MTMR10: variants seen among roughly 807,000 people sequenced by gnomAD.
MTMR10 encodes myotubularin-related protein 10.
A neutral mutation model predicts 88.1 loss-of-function variants in MTMR10; 56 were observed. The ratio of observed to expected loss-of-function variants is 0.64; its 90% confidence interval spans 0.51 to 0.79. The LOEUF is 0.79. Ranked by LOEUF, MTMR10 falls within the 30% of genes least tolerant of loss-of-function variation. MTMR10 has a pLI of 0.00. For missense variants in MTMR10, 883 were observed against 924.7 expected (o/e 0.95, Z 0.58); for synonymous variants, 380 against 340.9 (o/e 1.11, Z -1.26).
At chr15:30,985,622 T>C (rs549321864) in intron 2 of MTMR10, among the ~76,000 whole-genome samples, 1 of 152,226 alleles carries the variant, frequency 6.6e-6, no homozygotes, top group Non-Finnish European at 1.5e-5. Flanking sequence ...AAGACTGTTA[T>C]GATGATTAAT....
the MTMR10 span, chr15:30,930,459 T>C: frequency 6.7e-7 from 1 of 1,491,938 alleles, no homozygotes; most frequent in Non-Finnish European, 8.9e-7. Flanking sequence ...TACACTGAGC[T>C]TTTCTCCGTC....
chr15:30,975,869 A>G (rs1258137993), intron 3 of MTMR10, among the ~76,000 whole-genome samples: 1 of 152,192 alleles, frequency 6.6e-6, no homozygotes, highest in Admixed American at 6.5e-5. Flanking sequence ...ATCTAGGGGT[A>G]AGTGTGTATA....
chr15:30,954,400 C>T (rs2063292434), intron 10 of MTMR10, among the ~76,000 whole-genome samples: 2 of 152,136 alleles, frequency 1.3e-5, no homozygotes, highest in Non-Finnish European at 2.9e-5. Flanking sequence ...CTGTTTGATA[C>T]CCATGTCAAG....
intron 1 of MTMR10, 129 bp from the exon 2 acceptor site, chr15:30,990,966 C>A (rs2141082411): frequency 1.3e-6 from 1 of 750,068 alleles, no homozygotes; most frequent in Non-Finnish European, 2.1e-6. Flanking sequence ...AATTCTTTCG[C>A]ATATTAACTG....
intron 2 of MTMR10, among the ~76,000 whole-genome samples, chr15:30,979,156 G>A (rs890605495): frequency 6.6e-6 from 1 of 152,158 alleles, no homozygotes; most frequent in African/African-American, 2.4e-5. Flanking sequence ...ATCACATACT[G>A]TGCCACCTTA....
At position 30,941,499 on chromosome 15, in the gene MTMR10, A is replaced by C; in HGVS notation, c.2305T>G (p.Ser769Ala). ...KFLSGAKIWL[S>A]TETLANED Reference sequence around the variant, plus strand: ...TCTTCATTTGCTAATGTCTCAGTAGACAACCATATTTTGGCCCCACTTAAA... The same window carrying C: ...TCTTCATTTGCTAATGTCTCAGTAGCCAACCATATTTTGGCCCCACTTAAA... The change falls in exon 16 of 16, where the codon TCT (serine) becomes GCT (alanine). Residue 769 changes from serine (S) to alanine (A), a missense_variant. Coordinates refer to ENST00000435680, the MANE Select transcript of MTMR10 (RefSeq NM_017762.3). 6.2e-7 allele frequency: 1 copy of C among 1,611,506 alleles called. No homozygotes were observed. The highest frequency in any genetic ancestry group is 8.5e-7 in the Non-Finnish European group (1 of 1,178,568).
intron 15 of MTMR10, 133 bp from the exon 16 acceptor site, chr15:30,942,205 CCTTT>C (rs762913498): frequency 4.7e-5 from 51 of 1,085,352 alleles, no homozygotes; most frequent in African/African-American, 2.5e-4. Flanking sequence ...TTCCTCCCTT[CCTTT>C]GTGTCCTTAT....
intron 4 of MTMR10, 111 bp from the exon 5 acceptor site, chr15:30,974,567 C>T (rs1233870397): frequency 5.8e-6 from 6 of 1,030,452 alleles, no homozygotes; most frequent in Non-Finnish European, 1.3e-6. Flanking sequence ...AACATTTGAG[C>T]TCTGCTTGTC....
Position 30,975,004 on chromosome 15 carries a change from C to A in MTMR10, c.259-1G>T. On this transcript the variant is annotated splice_acceptor_variant, in intron 3 of 15. Transcript: ENST00000435680. LOFTEE classifies it high-confidence loss of function. The stretch of plus-strand genomic sequence containing the variant: ...GAAGAAGGTTTCTGTAATGGAATTT[C>A]TGGAATAAAAAATTATGTTCATATT... The A allele has an allele frequency of 6.4e-7, 1 of 1,552,042 alleles. No homozygotes were observed. The highest frequency in any genetic ancestry group is 2.4e-5 in the East Asian group (1 of 42,252).
chr15:30,990,533 G>A lies in MTMR10; in HGVS notation c.121+244C>T, dbSNP rs190369157. Reference sequence around the variant, plus strand: ...AATAAGTGGCAAACACGTCAGCAAAGAGTACTTTTACTACCCAAGCAATTA... The same window carrying A: ...AATAAGTGGCAAACACGTCAGCAAAAAGTACTTTTACTACCCAAGCAATTA... On this transcript the variant is annotated intron_variant, in intron 2 of 15. Coordinates refer to ENST00000435680, the MANE Select transcript of MTMR10 (RefSeq NM_017762.3). Among the ~76,000 whole-genome samples, 312 of 152,244 alleles carry A rather than the reference G, an allele frequency of 2.0e-3. 1 individual carries two copies. Among genetic ancestry groups the A allele is most frequent in the African/African-American group, 7.3e-3 (302 of 41,530 alleles).
At chr15:30,985,213 G>A (rs944792341) in intron 2 of MTMR10, among the ~76,000 whole-genome samples, 4 of 152,156 alleles carry the variant, frequency 2.6e-5, no homozygotes, top group Non-Finnish European at 5.9e-5. Context: ...ACTGTGCTTC[G>A]GCACAGCCAG....
At chr15:30,955,322 G>C (rs1267416276) in intron 9 of MTMR10, among the ~76,000 whole-genome samples, 2 of 152,176 alleles carry the variant, frequency 1.3e-5, no homozygotes, top group East Asian at 3.8e-4. Context: ...CCAGGCTGGA[G>C]TGCAGTGGCA....
chr15:30,988,775 G>A (rs2031116903), intron 2 of MTMR10, among the ~76,000 whole-genome samples: 1 of 152,118 alleles, frequency 6.6e-6, no homozygotes, highest in Non-Finnish European at 1.5e-5. Flanking sequence ...GATCACCTGA[G>A]GGCAGGAGTT....
intron 9 of MTMR10, among the ~76,000 whole-genome samples, chr15:30,956,515 G>A (rs1393835239): frequency 2.0e-5 from 3 of 152,214 alleles, no homozygotes; most frequent in African/African-American, 7.2e-5. Context: ...TAAATGAATA[G>A]AGAAGCAATG....
the MTMR10 span, chr15:30,928,464 T>C: frequency 1.7e-5 from 26 of 1,555,064 alleles, no homozygotes; most frequent in Non-Finnish European, 2.2e-5. Context: ...GAGTGTGCAG[T>C]AGGTTATGGT....
rs764404422 is a variant in MTMR10, at chr15:30,942,989, A to C, written c.1632T>G (p.Phe544Leu). The C allele has an allele frequency of 1.3e-6, 2 of 1,553,418 alleles. No homozygotes were observed. Among genetic ancestry groups the C allele is most frequent in the South Asian group, 1.2e-5 (1 of 84,212 alleles). ...GGAAAAGGGTGCGATCCTTTGCTGT[A>C]AACTGGAGAGACCAGTCCCAAACAG... ...FPSVWDWSLQFTAKDRTLFHN... is the reference protein window; with the variant it reads ...FPSVWDWSLQLTAKDRTLFHN... The change falls in exon 15 of 16, where the codon TTT (phenylalanine) becomes TTG (leucine). Residue 544 changes from phenylalanine to leucine, a missense_variant. By Grantham distance (22) the Phe-to-Leu change is conservative (BLOSUM62 0). Around this residue, in one of 3 missense-constraint regions of MTMR10, gnomAD observed 343 missense variants for 323.2 expected, o/e 1.06. Coordinates refer to ENST00000435680, the MANE Select transcript of MTMR10 (RefSeq NM_017762.3).
chr15:30,923,818 T>C, the MTMR10 span, among the ~76,000 whole-genome samples: 9 of 152,354 alleles, frequency 5.9e-5, 1 homozygote, highest in Admixed American at 5.9e-4. Context: ...ATTTTTTCTT[T>C]CACTTTTTAT....
chr15:30,988,213 A>G (rs1595954518), intron 2 of MTMR10, among the ~76,000 whole-genome samples: 1 of 152,318 alleles, frequency 6.6e-6, no homozygotes, highest in East Asian at 1.9e-4. Context: ...CAGGGCAGCC[A>G]GACAGAACAC....
At chr15:30,986,367 T>A (rs1213034934) in intron 2 of MTMR10, among the ~76,000 whole-genome samples, 1 of 151,548 alleles carries the variant, frequency 6.6e-6, no homozygotes, top group African/African-American at 2.4e-5. Flanking sequence ...AAATAATTAA[T>A]GTTCTCTGTG....
Sources: gnomAD v4.1 joint callset for allele counts (sites outside exome capture counted in the v4.1 genomes callset) on GRCh38, gnomAD v4.1.1 for gene constraint, gnomAD v4.1.1 regional missense constraint, MANE v1.5 for transcripts, NCBI Gene and HGNC (gene_info 2026-07-23, HGNC 2026-07-21) for gene names.